Variants in SLC19A3 observed in about 807,000 individuals in gnomAD.
The protein encoded by SLC19A3 is solute carrier family 19 member 3, also known as thiamine transporter 2.
SLC19A3 carries 31 observed loss-of-function variants against 40.2 expected under a neutral mutation model. The ratio of observed to expected loss-of-function variants is 0.77; its 90% CI spans 0.58 to 1.04. SLC19A3 has a LOEUF of 1.04. Ranked by LOEUF, SLC19A3 falls within the 50% of genes least tolerant of loss-of-function variation. SLC19A3 has a pLI of 0.00. For missense variants in SLC19A3, 592 were observed against 596.7 expected (o/e 0.99, Z 0.08); for synonymous variants, 212 against 227.5 (o/e 0.93, Z 0.61).
In SLC19A3 at chr2:227,686,335, G is replaced by C; in HGVS notation, c.*1062C>G. The C allele has an allele frequency of 3.5e-6, 1 of 286,926 alleles. No individual in the cohort carries two copies. The highest frequency in any genetic ancestry group is 1.2e-4 in the East Asian group (1 of 8,178). 17.8% of individuals were successfully genotyped at this position (286,926 alleles called of 1,614,324 possible). On this transcript the variant is annotated 3_prime_UTR_variant, in exon 6 of 6. Coordinates refer to ENST00000644224, the MANE Select transcript of SLC19A3 (RefSeq NM_025243.4). ...CACAGGTGCTCTTTTTTGGGAGGAG[G>C]GGGATGAGAGTCTTACTCTGTTGCC...
At chr2:227,708,610 A>AG (rs1408893674) in intron 1 of SLC19A3, among the ~76,000 whole-genome samples, 1 of 151,868 alleles carries the variant, frequency 6.6e-6, no homozygotes, top group African/African-American at 2.4e-5. Flanking sequence ...AACAACAAAA[A>AG]AAACTTTCCA....
intron 1 of SLC19A3, chr2:227,714,636 C>A: frequency 2.0e-6 from 2 of 981,884 alleles, no homozygotes; most frequent in Non-Finnish European, 2.4e-6. Context: ...GAAGCCCATC[C>A]ACTTCTGGTG....
chr2:227,695,187 AG>A lies in SLC19A3; in HGVS notation c.1172+701del, dbSNP rs537762766. ...TCCTGAGAATCTTTTGTGTCATAAA[AG>A]TATGTGCTTAGAATTTCTCAAGCAA... On this transcript the variant is annotated intron_variant, in intron 4 of 5. Transcript: ENST00000644224. 2.4e-3 allele frequency among the ~76,000 whole-genome samples: 365 copies of A among 152,366 alleles called. 2 individuals carry two copies. Among genetic ancestry groups the A allele is most frequent in the African/African-American group, 8.2e-3 (343 of 41,590 alleles).
At chr2:227,704,476 G>A (rs1316741438) in intron 1 of SLC19A3, among the ~76,000 whole-genome samples, 2 of 152,158 alleles carry the variant, frequency 1.3e-5, no homozygotes, top group African/African-American at 4.8e-5. Context: ...AGGTGGTATG[G>A]TTGTCACTGG....
chr2:227,710,270 G>C (rs1176874155), intron 1 of SLC19A3, among the ~76,000 whole-genome samples: 1 of 152,144 alleles, frequency 6.6e-6, no homozygotes, highest in Non-Finnish European at 1.5e-5. Context: ...TGTCTAGCCA[G>C]GCAGCCATCT....
At position 227,698,876 on chromosome 2, in the gene SLC19A3, T is replaced by G. The variant is rs989413073; in HGVS notation, c.839A>C (p.Tyr280Ser). The G allele has an allele frequency of 1.2e-6, 2 of 1,614,008 alleles. No homozygotes were observed. Among genetic ancestry groups the G allele is most frequent in the African/African-American group, 2.7e-5 (2 of 74,924 alleles). ...KECYSSKRLFYWSLWWAFATA... is the reference protein window; with the variant it reads ...KECYSSKRLFSWSLWWAFATA... The stretch of plus-strand genomic sequence containing the variant: ...GGCGAAAGCCCACCATAGAGACCAG[T>G]AGAAAAGACGTTTTGAGGAGTAGCA... Residue 280 changes from tyrosine to serine, a missense_variant, in exon 3 of 6, where the codon TAC becomes TCC. Transcript: ENST00000644224.
chr2:227,695,166 G>C (rs1214515693), intron 4 of SLC19A3, among the ~76,000 whole-genome samples: 6 of 152,152 alleles, frequency 3.9e-5, no homozygotes, highest in African/African-American at 1.4e-4. Flanking sequence ...TAACTTTCCT[G>C]AGAATCTTTT....
chr2:227,706,490 G>T, intron 1 of SLC19A3: 1 of 1,221,278 alleles, frequency 8.2e-7, no homozygotes, highest in Non-Finnish European at 1.0e-6. Context: ...ATTTTAAAAG[G>T]CTGGGTGTAG....
chr2:227,708,456 G>A (rs1696025522), intron 1 of SLC19A3, among the ~76,000 whole-genome samples: 2 of 152,010 alleles, frequency 1.3e-5, no homozygotes, highest in East Asian at 1.9e-4. Context: ...CCTGGCAGCC[G>A]GACACGGTGG....
chr2:227,693,744 C>T (rs1426503782), intron 4 of SLC19A3, among the ~76,000 whole-genome samples: 1 of 152,056 alleles, frequency 6.6e-6, no homozygotes, highest in East Asian at 1.9e-4. Flanking sequence ...AACGGGATCA[C>T]ATCAAGTTAA....
At chr2:227,701,545 C>T (rs1695689180) in intron 2 of SLC19A3, 1 of 157,094 alleles carries the variant, frequency 6.4e-6, no homozygotes, top group Non-Finnish European at 1.4e-5. Flanking sequence ...TTGTTTGAAC[C>T]TGGGAGGCGG....
chr2:227,705,981 G>A (rs1314748484), intron 1 of SLC19A3, among the ~76,000 whole-genome samples: 2 of 151,816 alleles, frequency 1.3e-5, no homozygotes, highest in African/African-American at 2.4e-5. Context: ...CCAGGAGTTC[G>A]AGGCTGCAGT....
rs752393233 is a variant in SLC19A3 at position 227,688,209 on chromosome 2, A to T, written c.1271T>A (p.Ile424Asn). The change falls in exon 5 of 6, where the codon ATT becomes AAT. Residue 424 changes from isoleucine (I) to asparagine (N), a missense_variant. Coordinates refer to ENST00000644224, the MANE Select transcript of SLC19A3 (RefSeq NM_025243.4). Reference sequence around the variant, plus strand: ...GTTGAGCCCTCTCTGATCTACTACAATCACAGTCATGATGGTCTGAATCAC... The same window carrying T: ...GTTGAGCCCTCTCTGATCTACTACATTCACAGTCATGATGGTCTGAATCAC... ...ALVIQTIMTV[I>N]VVDQRGLNLP... is the part of the protein sequence containing the mutation. 1 of 1,614,136 alleles carries T rather than the reference A, an allele frequency of 6.2e-7. No individual in the cohort carries two copies. The highest frequency in any genetic ancestry group is 1.1e-5 in the South Asian group (1 of 91,086).
intron 3 of SLC19A3, among the ~76,000 whole-genome samples, chr2:227,697,961 C>A (rs1011790340): frequency 3.3e-5 from 5 of 151,816 alleles, no homozygotes; most frequent in African/African-American, 1.2e-4. Flanking sequence ...TGCCTGTAGT[C>A]CCAGCTACTC....
chr2:227,701,022 G>C (rs2106331157), intron 2 of SLC19A3: 1 of 1,304,276 alleles, frequency 7.7e-7, no homozygotes, highest in Middle Eastern at 2.1e-4. Context: ...GTCCACAGTG[G>C]CTCGAGAAGC....
At chr2:227,712,307 G>A (rs756542295) in intron 1 of SLC19A3, among the ~76,000 whole-genome samples, 2 of 151,992 alleles carry the variant, frequency 1.3e-5, no homozygotes, top group Non-Finnish European at 2.9e-5. Context: ...ACAGACTGAA[G>A]AGAAAATAGT....
At chr2:227,700,480 G>A (rs944861699) in intron 2 of SLC19A3, among the ~76,000 whole-genome samples, 7 of 152,058 alleles carry the variant, frequency 4.6e-5, no homozygotes, top group Admixed American at 4.6e-4. Flanking sequence ...AGAGGTTGCA[G>A]AGAGCCGAGA....
At chr2:227,710,469 G>A (rs374673049) in intron 1 of SLC19A3, among the ~76,000 whole-genome samples, 1 of 152,136 alleles carries the variant, frequency 6.6e-6, no homozygotes. Flanking sequence ...GCCGAGACGG[G>A]TGGATCACCT....
At chr2:227,688,143 A>T (rs1224468312) in intron 5 of SLC19A3, 23 bp downstream of exon 5, 1 of 1,613,922 alleles carries the variant, frequency 6.2e-7, no homozygotes, top group East Asian at 2.2e-5. Flanking sequence ...TACCTAGTTG[A>T]AAACAGAAGT....
Sources: allele counts gnomAD v4.1 joint callset (sites outside exome capture counted in the v4.1 genomes callset), GRCh38; gene constraint gnomAD v4.1.1; transcripts MANE v1.5; gene names NCBI Gene and HGNC (gene_info 2026-07-23, HGNC 2026-07-21).